ADARB2: variants seen among roughly 807,000 people sequenced by gnomAD.
ADARB2 encodes adenosine deaminase RNA specific B2 (inactive).
A neutral mutation model predicts 62.2 loss-of-function variants in ADARB2; 25 were observed. That is an observed-to-expected ratio of 0.40 (90% confidence interval 0.29 to 0.56). The LOEUF (loss-of-function observed/expected upper bound fraction) is 0.56, where lower values mean the gene tolerates loss of function less well. Ranked by LOEUF, ADARB2 falls within the 20% of genes least tolerant of loss-of-function variation. The probability of loss-of-function intolerance (pLI) is 0.43; values close to 1 mark genes in which losing one functional copy is unlikely to be tolerated. For missense variants in ADARB2, 1,071 were observed against 1,077.4 expected (o/e 0.99, Z 0.08); for synonymous variants, 572 against 500.8 (o/e 1.14, Z -1.90).
At chr10:1,609,044 G>C (rs974491858) in intron 1 of ADARB2, among the ~76,000 whole-genome samples, 1 of 152,148 alleles carries the variant, frequency 6.6e-6, no homozygotes, top group Admixed American at 6.5e-5. Flanking sequence ...GACCCGAAAC[G>C]CCCACCAAAC....
At chr10:1,502,878 C>G (rs1040658618) in intron 1 of ADARB2, among the ~76,000 whole-genome samples, 1 of 152,144 alleles carries the variant, frequency 6.6e-6, no homozygotes, top group East Asian at 1.9e-4. Flanking sequence ...AAGATGTCTG[C>G]ATTTCAGAGA....
chr10:1,471,571 T>C (rs916158037), intron 1 of ADARB2, among the ~76,000 whole-genome samples: 2 of 152,158 alleles, frequency 1.3e-5, no homozygotes, highest in African/African-American at 4.8e-5. Context: ...TTTTGTATTT[T>C]TAGTAAAGAC....
intron 1 of ADARB2, among the ~76,000 whole-genome samples, chr10:1,687,622 G>A (rs566730734): frequency 3.3e-5 from 5 of 151,014 alleles, no homozygotes; most frequent in Admixed American, 6.6e-5. Flanking sequence ...TAGTGCAAAC[G>A]CATTAAATTA....
Position 1,363,586 on chromosome 10 carries a change from G to A in ADARB2, c.519C>T (p.Thr173=). Residue 173 remains threonine (T), a synonymous_variant, in exon 3 of 10, where the codon ACC becomes ACT. Transcript: ENST00000381312. ...NGLTFEGTGP[T]KKKAKMRAAE... ...CCGCGCGCATCTTGGCCTTCTTCTT[G>A]GTGGGGCCTGTGCCCTCGAACGTGA... is the stretch of plus-strand genomic sequence containing the variant. 1.3e-6 allele frequency: 2 copies of A among 1,592,222 alleles called. No individual in the cohort carries two copies. Among genetic ancestry groups the A allele is most frequent in the Non-Finnish European group, 1.7e-6 (2 of 1,169,774 alleles).
rs547277538 is a variant in ADARB2 at position 1,658,136 on chromosome 10, CTCTCTCTCTGTATCTTATTCTCCCTG to C, written c.100+78889_100+78914del. On this transcript the variant is annotated intron_variant, in intron 1 of 9. Transcript: ENST00000381312. ...TCTGATTCTGTCTGATGCTGTCTCT[CTCTCTCTCTGTATCTTATTCTCCCTG>C]TCTCTCTCTGTGTCTCTCTATCTCT... Among the ~76,000 whole-genome samples the C allele has an allele frequency of 3.5e-3, 525 of 151,346 alleles. 4 individuals are homozygous for C. Among genetic ancestry groups the C allele is most frequent in the African/African-American group, 0.012 (490 of 41,222 alleles).
chr10:1,337,442 T>C (rs1016911803), intron 3 of ADARB2, among the ~76,000 whole-genome samples: 1 of 152,164 alleles, frequency 6.6e-6, no homozygotes, highest in African/African-American at 2.4e-5. Flanking sequence ...AGTGATGCCA[T>C]TGAAATGCTC....
chr10:1,575,838 C>A (rs370738111), intron 1 of ADARB2, among the ~76,000 whole-genome samples: 6 of 152,268 alleles, frequency 3.9e-5, no homozygotes, highest in South Asian at 4.1e-4. Flanking sequence ...CAACCCAGTC[C>A]ACCTGCATCC....
chr10:1,611,826 C>T (rs532948709), intron 1 of ADARB2, among the ~76,000 whole-genome samples: 9 of 152,296 alleles, frequency 5.9e-5, no homozygotes, highest in African/African-American at 1.9e-4. Flanking sequence ...CTGAAGGAAA[C>T]TCTTGCAGCA....
intron 1 of ADARB2, among the ~76,000 whole-genome samples, chr10:1,495,068 A>G (rs1412127352): frequency 1.3e-5 from 2 of 152,208 alleles, no homozygotes; most frequent in African/African-American, 4.8e-5. Flanking sequence ...CTAATTTTAA[A>G]TAGTTTGATT....
At chr10:1,538,053 G>A (rs544256921) in intron 1 of ADARB2, among the ~76,000 whole-genome samples, 1 of 152,354 alleles carries the variant, frequency 6.6e-6, no homozygotes, top group Admixed American at 6.5e-5. Context: ...GAGCAAGGTG[G>A]TGAAGGGCTC....
At chr10:1,695,869 CA>C (rs1834735645) in intron 1 of ADARB2, among the ~76,000 whole-genome samples, 1 of 151,324 alleles carries the variant, frequency 6.6e-6, no homozygotes, top group Non-Finnish European at 1.5e-5. Context: ...TGTACACACA[CA>C]TGCATGAGGA....
intron 7 of ADARB2, among the ~76,000 whole-genome samples, chr10:1,208,974 C>G (rs1837106406): frequency 6.6e-6 from 1 of 152,148 alleles, no homozygotes; most frequent in Non-Finnish European, 1.5e-5. Flanking sequence ...GGGTTCTGCC[C>G]AGTAAACAGG....
intron 1 of ADARB2, among the ~76,000 whole-genome samples, chr10:1,708,173 A>G (rs549909323): frequency 6.6e-6 from 1 of 152,218 alleles, no homozygotes; most frequent in African/African-American, 2.4e-5. Context: ...CATAGCAGAG[A>G]TTCTAGTTTA....
At chr10:1,633,566 ATCTATCTATCTATCTATC>A (rs1833874372) in intron 1 of ADARB2, among the ~76,000 whole-genome samples, 1 of 147,468 alleles carries the variant, frequency 6.8e-6, no homozygotes, top group African/African-American at 2.5e-5. Context: ...CTATCTATCT[ATCTATCTATCTATCTATC>A]TATCTATCTA....
chr10:1,286,179 G>GAC (rs1370322665), intron 3 of ADARB2, among the ~76,000 whole-genome samples: 10 of 152,236 alleles, frequency 6.6e-5, no homozygotes, highest in Non-Finnish European at 1.5e-4. Context: ...ATGGAGGTGG[G>GAC]ACACACCTCG....
chr10:1,295,106 C>T (rs922064070), intron 3 of ADARB2, among the ~76,000 whole-genome samples: 5 of 152,118 alleles, frequency 3.3e-5, no homozygotes, highest in African/African-American at 7.2e-5. Flanking sequence ...GTGGAAATGC[C>T]GGTGTTCCAG....
intron 1 of ADARB2, among the ~76,000 whole-genome samples, chr10:1,466,343 C>T (rs562243044): frequency 5.3e-5 from 8 of 152,336 alleles, no homozygotes; most frequent in African/African-American, 1.9e-4. Context: ...GACGGTGCTT[C>T]TCCTCCCTCC....
chr10:1,263,741 C>G (rs1160476382), intron 4 of ADARB2, among the ~76,000 whole-genome samples: 1 of 152,200 alleles, frequency 6.6e-6, no homozygotes, highest in Non-Finnish European at 1.5e-5. Context: ...TAACTCACGG[C>G]CAGGGCTGCC....
chr10:1,602,264 G>A (rs748156910), intron 1 of ADARB2, among the ~76,000 whole-genome samples: 3 of 152,146 alleles, frequency 2.0e-5, no homozygotes, highest in African/African-American at 4.8e-5. Context: ...TGGAGGAGCC[G>A]CTTCCCGAGG....
Sources: allele counts gnomAD v4.1 joint callset (sites outside exome capture counted in the v4.1 genomes callset), GRCh38; gene constraint gnomAD v4.1.1; transcripts MANE v1.5; gene names NCBI Gene and HGNC (gene_info 2026-07-23, HGNC 2026-07-21).